LIMS1: variants seen among roughly 807,000 people sequenced by gnomAD.
The protein encoded by LIMS1 is LIM zinc finger domain containing 1, also known as LIM and senescent cell antigen-like-containing domain protein 1.
In LIMS1, 18 loss-of-function variants were observed where a neutral mutation model predicts 44.1. The ratio of observed to expected loss-of-function variants is 0.41; its 90% CI spans 0.28 to 0.61. The LOEUF (loss-of-function observed/expected upper bound fraction) is 0.61, where lower values mean the gene tolerates loss of function less well. Ranked by LOEUF, LIMS1 falls within the 20% of genes least tolerant of loss-of-function variation. The probability of loss-of-function intolerance (pLI) is 0.32; values close to 1 mark genes in which losing one functional copy is unlikely to be tolerated. For missense variants in LIMS1, 201 were observed against 422.0 expected, an observed-to-expected ratio of 0.48 and a Z score of 4.59; for synonymous variants, 93 against 149.1, an observed-to-expected ratio of 0.62 and a Z score of 2.74.
exon 1 of LIMS1, chr2:108,534,504 G>A: frequency 8.5e-7 from 1 of 1,176,024 alleles, no homozygotes; most frequent in Non-Finnish European, 1.1e-6. Context: ...ACTAGGACGC[G>A]GCTGGAGCGG....
chr2:108,631,108 G>A (rs1043219336), intron 1 of LIMS1, among the ~76,000 whole-genome samples: 1 of 152,158 alleles, frequency 6.6e-6, no homozygotes, highest in Admixed American at 6.5e-5. Flanking sequence ...CTAGCCTCTG[G>A]CTTAAGAATG....
At chr2:108,581,003 T>C (rs1685862559) in intron 1 of LIMS1, among the ~76,000 whole-genome samples, 2 of 152,214 alleles carry the variant, frequency 1.3e-5, no homozygotes, top group African/African-American at 4.8e-5. Flanking sequence ...TCTCTTTTTG[T>C]GTCCCTGGGC....
intron 1 of LIMS1, among the ~76,000 whole-genome samples, chr2:108,637,355 T>C (rs1391953677): frequency 6.6e-6 from 1 of 152,218 alleles, no homozygotes; most frequent in East Asian, 1.9e-4. Flanking sequence ...GGTTTTCTTT[T>C]ACCTTATCAT....
chr2:108,536,163 T>C (rs1684132128), intron 1 of LIMS1, among the ~76,000 whole-genome samples: 1 of 152,244 alleles, frequency 6.6e-6, no homozygotes, highest in Non-Finnish European at 1.5e-5. Flanking sequence ...CTCCGCATCC[T>C]ATCCCCTTCC....
chr2:108,583,608 T>A (rs901851730), intron 1 of LIMS1, among the ~76,000 whole-genome samples: 1 of 152,062 alleles, frequency 6.6e-6, no homozygotes, highest in Non-Finnish European at 1.5e-5. Context: ...GCAAGTGTAT[T>A]GGGCATTGAA....
chr2:108,672,175 A>G, intron 3 of LIMS1, 150 bp from the exon 4 acceptor site: 1 of 1,309,698 alleles, frequency 7.6e-7, no homozygotes, highest in Non-Finnish European at 1.0e-6. Flanking sequence ...CAAAAAAAAA[A>G]AAAAAAAAAA....
At chr2:108,609,909 G>A (rs1026693816) in intron 1 of LIMS1, among the ~76,000 whole-genome samples, 2 of 152,112 alleles carry the variant, frequency 1.3e-5, no homozygotes, top group Admixed American at 6.6e-5. Flanking sequence ...TTGGGAGGCC[G>A]AGGTGGGCGG....
chr2:108,547,855 A>G (rs1479560300), intron 1 of LIMS1, among the ~76,000 whole-genome samples: 1 of 152,198 alleles, frequency 6.6e-6, no homozygotes, highest in Non-Finnish European at 1.5e-5. Flanking sequence ...GGACTTTGTC[A>G]TATTGAAGCA....
chr2:108,660,499 T>C (rs1691284635), intron 2 of LIMS1: 8 of 356,952 alleles, frequency 2.2e-5, no homozygotes, highest in South Asian at 1.5e-4. Flanking sequence ...AGTGGCATGA[T>C]TATAGCTCAT....
At chr2:108,534,931 C>G (rs186347378) in intron 1 of LIMS1, among the ~76,000 whole-genome samples, 2 of 152,238 alleles carry the variant, frequency 1.3e-5, no homozygotes, top group Non-Finnish European at 2.9e-5. Flanking sequence ...ACGTCTTGGT[C>G]TCAGGACCCC....
At chr2:108,553,399 A>T (rs1266327921) in intron 1 of LIMS1, among the ~76,000 whole-genome samples, 1 of 152,170 alleles carries the variant, frequency 6.6e-6, no homozygotes, top group Non-Finnish European at 1.5e-5. Flanking sequence ...ACAGTGCTTT[A>T]TGCTTGGCAG....
At chr2:108,602,490 TA>T (rs1355014291) in intron 1 of LIMS1, among the ~76,000 whole-genome samples, 1 of 152,236 alleles carries the variant, frequency 6.6e-6, no homozygotes. Context: ...GAGGGTTTTT[TA>T]AAATCATGAA....
chr2:108,647,262 CAAG>C (rs1449302366), intron 1 of LIMS1, among the ~76,000 whole-genome samples: 1 of 152,066 alleles, frequency 6.6e-6, no homozygotes, highest in Non-Finnish European at 1.5e-5. Context: ...AAGACTAAAC[CAAG>C]AAGAAGTCAA....
rs200953680 is a variant in LIMS1 at position 108,630,055 on chromosome 2, G to A, written c.33-29550G>A. On this transcript the variant is annotated intron_variant, in intron 1 of 9. Coordinates refer to ENST00000544547, the Ensembl canonical transcript of LIMS1. ...AAAGAAATACAAAAATTAGCCAAGC[G>A]TGGTGGCGTGCACCTGTAGTCCTGG... Among the ~76,000 whole-genome samples, 24 of 152,188 alleles carry A rather than the reference G, an allele frequency of 1.6e-4. No individual in the cohort carries two copies. The South Asian group carries it at 2.3e-3, about 14-fold the overall frequency.
intron 1 of LIMS1, among the ~76,000 whole-genome samples, chr2:108,638,844 C>T (rs879373782): frequency 7.2e-5 from 11 of 152,066 alleles, no homozygotes; most frequent in Non-Finnish European, 1.6e-4. Flanking sequence ...GAGATCAACA[C>T]CATCCTGGCT....
At chr2:108,661,722 G>A (rs1481226611) in intron 2 of LIMS1, among the ~76,000 whole-genome samples, 1 of 152,114 alleles carries the variant, frequency 6.6e-6, no homozygotes, top group African/African-American at 2.4e-5. Context: ...CAGTTAAAGG[G>A]ACCTGAGGAC....
intron 1 of LIMS1, 51 bp from the exon 2 acceptor site, chr2:108,659,554 A>G (rs1691177351): frequency 6.3e-7 from 1 of 1,597,898 alleles, no homozygotes; most frequent in South Asian, 1.1e-5. Flanking sequence ...TTGATCTTCG[A>G]TCTAAGAAGT....
chr2:108,569,299 C>T (rs543265098), intron 1 of LIMS1, among the ~76,000 whole-genome samples: 6 of 152,286 alleles, frequency 3.9e-5, no homozygotes, highest in African/African-American at 1.4e-4. Flanking sequence ...TGCCTTTTCA[C>T]TCTGATTGGG....
chr2:108,643,331 G>A (rs1689835029), intron 1 of LIMS1, among the ~76,000 whole-genome samples: 1 of 152,188 alleles, frequency 6.6e-6, no homozygotes, highest in South Asian at 2.1e-4. Context: ...TGGACAGTGG[G>A]TGCAGCCCAA....
Sources: allele counts gnomAD v4.1 joint callset (sites outside exome capture counted in the v4.1 genomes callset), GRCh38; gene constraint gnomAD v4.1.1; transcripts MANE v1.5; gene names NCBI Gene and HGNC (gene_info 2026-07-23, HGNC 2026-07-21).